The following ZFP90 variants were observed in gnomAD, a reference collection of about 807,000 sequenced individuals.
The protein encoded by ZFP90 is zinc finger protein 90 homolog.
ZFP90 carries 38 observed loss-of-function variants against 60.8 expected under a neutral mutation model. The observed-to-expected ratio is 0.62, with a 90% confidence interval of 0.48 to 0.82. The LOEUF is 0.82. Ranked by LOEUF, ZFP90 falls within the 40% of genes least tolerant of loss-of-function variation. The pLI is 0.00. For synonymous variants in ZFP90, 287 were observed against 264.8 expected (o/e 1.08, Z -0.82); for missense variants, 711 against 759.1 (o/e 0.94, Z 0.74).
At chr16:68,557,858 G>A in intron 2 of ZFP90, 140 bp from the exon 3 acceptor site, 1 of 1,182,256 alleles carries the variant, frequency 8.5e-7, no homozygotes, top group East Asian at 2.4e-5. Context: ...TAAACAATAA[G>A]TTTATGTAAC....
At chr16:68,559,037 G>A (rs926250911) in intron 4 of ZFP90, among the ~76,000 whole-genome samples, 2 of 152,020 alleles carry the variant, frequency 1.3e-5, no homozygotes, top group African/African-American at 4.8e-5. Context: ...ATGCTGCTTT[G>A]ACTCATTACC....
intron 2 of ZFP90, among the ~76,000 whole-genome samples, chr16:68,546,818 A>G (rs2091158820): frequency 6.6e-6 from 1 of 152,202 alleles, no homozygotes; most frequent in Non-Finnish European, 1.5e-5. Context: ...GGCCAAAATC[A>G]CACAGTATAT....
At chr16:68,557,161 G>T (rs1000329971) in intron 2 of ZFP90, 6 of 453,710 alleles carry the variant, frequency 1.3e-5, no homozygotes, top group Non-Finnish European at 2.2e-5. Context: ...CTAATTTTTT[G>T]ATCTTTTGTA....
In ZFP90 at chr16:68,565,200, A is replaced by C; in HGVS notation, c.*502A>C. ...CCCAACCACTTCATTGTACAGATGA[A>C]GACTGAAAGCCAAAGATGTGAAGTG... On this transcript the variant is annotated 3_prime_UTR_variant, in exon 5 of 5. Transcript: ENST00000563169. 1.0e-6 allele frequency: 1 copy of C among 987,622 alleles called. No homozygotes were observed. The highest frequency in any genetic ancestry group is 1.2e-6 in the Non-Finnish European group (1 of 831,374). The allele number at this position is 987,622 out of a possible 1,614,324, so 61.2% of individuals were successfully genotyped here. A position where few individuals can be genotyped will look rare whatever the true frequency, so the allele number is the denominator to read the frequency against.
In ZFP90 at chr16:68,565,619, C is replaced by T. The variant is rs1273971884; in HGVS notation, c.*921C>T. On this transcript the variant is annotated 3_prime_UTR_variant, in exon 5 of 5. Coordinates refer to ENST00000563169, the MANE Select transcript of ZFP90 (RefSeq NM_001305203.2). Reference sequence around the variant, plus strand: ...AGAACTATTAAGTCCCCTTATTGTACTTTTTATGGCATGCCCATGAAAAAG... The same window carrying T: ...AGAACTATTAAGTCCCCTTATTGTATTTTTTATGGCATGCCCATGAAAAAG... 1 of 985,526 alleles carries T rather than the reference C, an allele frequency of 1.0e-6. No homozygotes were observed. The highest frequency in any genetic ancestry group is 1.2e-6 in the Non-Finnish European group (1 of 829,902). The allele number at this position is 985,526 out of a possible 1,614,324, so 61.0% of individuals were successfully genotyped here.
chr16:68,535,027 A>G (rs2090950600), upstream of ZFP90, among the ~76,000 whole-genome samples: 1 of 152,158 alleles, frequency 6.6e-6, no homozygotes, highest in Admixed American at 6.5e-5. Context: ...TCTGTCATTC[A>G]TGGTTCCATG....
chr16:68,550,401 G>T (rs2091240361), intron 2 of ZFP90, among the ~76,000 whole-genome samples: 1 of 152,112 alleles, frequency 6.6e-6, no homozygotes, highest in Non-Finnish European at 1.5e-5. Context: ...ACAGGCATGT[G>T]CCACCACACC....
intron 2 of ZFP90, among the ~76,000 whole-genome samples, chr16:68,544,388 G>A (rs2091107654): frequency 6.6e-6 from 1 of 152,012 alleles, no homozygotes; most frequent in African/African-American, 2.4e-5. Flanking sequence ...CTCCAGCCTG[G>A]GCAGCAGAGA....
Position 68,564,619 on chromosome 16 carries a change from G to A in ZFP90, c.1832G>A (p.Cys611Tyr), listed in dbSNP as rs758418837. 11 of 1,614,058 alleles carry A rather than the reference G, an allele frequency of 6.8e-6. No individual in the cohort carries two copies. The highest frequency in any genetic ancestry group is 9.3e-6 in the Non-Finnish European group (11 of 1,179,978). Residue 611 changes from cysteine to tyrosine, a missense_variant, in exon 5 of 5, where the codon TGT becomes TAT. Cys to Tyr is a radical substitution (Grantham distance 194, BLOSUM62 -2). Around this residue, in one of 5 missense-constraint regions of ZFP90, gnomAD observed 295 missense variants for 274.0 expected, o/e 1.08. Transcript: ENST00000563169. ...CATACTGGAGAAAAACCCTATTCTT[G>A]TAAGGAATGTGGGAAAAACTTCAGC... ...RIHTGEKPYS[C>Y]KECGKNFSRS... is the part of the protein sequence containing the mutation.
At chr16:68,558,417 G>T in intron 3 of ZFP90, 56 bp from the exon 4 acceptor site, 1 of 1,510,528 alleles carries the variant, frequency 6.6e-7, no homozygotes, top group Non-Finnish European at 9.2e-7. Flanking sequence ...GTCCTTAGGA[G>T]GGTTCTTTGT....
downstream of ZFP90, among the ~76,000 whole-genome samples, chr16:68,568,532 T>C (rs961842535): frequency 2.0e-5 from 3 of 152,190 alleles, no homozygotes; most frequent in Non-Finnish European, 4.4e-5. Flanking sequence ...GTCTCAGCAA[T>C]ACCACTAGGA....
chr16:68,551,441 A>C (rs1201136292), intron 2 of ZFP90, among the ~76,000 whole-genome samples: 1 of 107,754 alleles, frequency 9.3e-6, no homozygotes, highest in Admixed American at 1.2e-4. Context: ...TTTTTTTTGG[A>C]GACGGAATCT....
rs34979386 is a variant in ZFP90 at position 68,564,841 on chromosome 16, AT to A, written c.*155del. 5.1e-3 allele frequency: 6,725 copies of A among 1,320,444 alleles called. No individual in the cohort carries two copies. Among genetic ancestry groups the A allele is most frequent in the South Asian group, 0.01 (527 of 52,332 alleles). The allele number at this position is 1,320,444 out of a possible 1,614,324, so 81.8% of individuals were successfully genotyped here. A position where few individuals can be genotyped will look rare whatever the true frequency, so the allele number is the denominator to read the frequency against. ...TGTGGAGAAAACTGCCAGTAGACAG[AT>A]TTTTTTTTTTTAACATAAAGACACA... On this transcript the variant is annotated 3_prime_UTR_variant, in exon 5 of 5. Coordinates refer to ENST00000563169, the MANE Select transcript of ZFP90 (RefSeq NM_001305203.2).
Position 68,563,335 on chromosome 16 carries a change from G to GTGAA in ZFP90, c.551_554dup (p.Cys185Ter). 1 of 1,614,182 alleles carries GTGAA rather than the reference G, an allele frequency of 6.2e-7. No individual in the cohort carries two copies. The highest frequency in any genetic ancestry group is 1.1e-5 in the South Asian group (1 of 91,080). The stretch of plus-strand genomic sequence containing the variant: ...AACATTCCTGCAAGAATAAGGCCTA[G>GTGAA]TGAATGTGAGACCCTTGGAAGCAAT... On this transcript the variant is annotated frameshift_variant, in exon 5 of 5. Coordinates refer to ENST00000563169, the MANE Select transcript of ZFP90 (RefSeq NM_001305203.2). LOFTEE classifies it high-confidence loss of function.
chr16:68,573,185 T>C (rs557374765), intron 2 of ZFP90, among the ~76,000 whole-genome samples: 1 of 152,322 alleles, frequency 6.6e-6, no homozygotes, highest in Admixed American at 6.5e-5. Context: ...GCAGGAGCCA[T>C]AAGGCTGTGT....
In ZFP90 at chr16:68,539,797, C is replaced by T. The variant is rs1246665652; in HGVS notation, c.5C>T (p.Ala2Val). 1.2e-6 allele frequency: 2 copies of T among 1,601,954 alleles called. No individual in the cohort carries two copies. The highest frequency in any genetic ancestry group is 1.3e-5 in the African/African-American group (1 of 74,856). Residue 2 changes from alanine to valine, a missense_variant, in exon 2 of 5, where the codon GCC (alanine) becomes GTC (valine). Transcript: ENST00000563169. The part of the protein sequence containing the change: M[A>V]PRPPTAAPQE... The stretch of plus-strand genomic sequence containing the variant: ...CCGGGCCCTGGCGAGGCAGGAATGG[C>T]CCCGAGGCCTCCGACCGCCGCGCCC...
intron 4 of ZFP90, among the ~76,000 whole-genome samples, chr16:68,559,636 C>A (rs1390711664): frequency 6.6e-6 from 1 of 151,630 alleles, no homozygotes; most frequent in Admixed American, 6.6e-5. Context: ...GGTGTGATCT[C>A]GGCTCACTGC....
At chr16:68,540,719 T>A (rs564897442) in intron 2 of ZFP90, among the ~76,000 whole-genome samples, 24 of 147,652 alleles carry the variant, frequency 1.6e-4, no homozygotes, top group Non-Finnish European at 3.1e-4. Context: ...CACCTGTAAG[T>A]CCAGCACTTT....
chr16:68,540,720 C>G (rs183312017), intron 2 of ZFP90, among the ~76,000 whole-genome samples: 4 of 149,934 alleles, frequency 2.7e-5, no homozygotes, highest in Non-Finnish European at 5.9e-5. Context: ...ACCTGTAAGT[C>G]CAGCACTTTG....
Sources: gnomAD v4.1 joint callset for allele counts (sites outside exome capture counted in the v4.1 genomes callset) on GRCh38, gnomAD v4.1.1 for gene constraint, gnomAD v4.1.1 regional missense constraint, MANE v1.5 for transcripts, NCBI Gene and HGNC (gene_info 2026-07-23, HGNC 2026-07-21) for gene names.